The following ADAMTS9 variants were observed in gnomAD, a reference collection of about 807,000 sequenced individuals.
ADAMTS9 encodes the protein ADAM metallopeptidase with thrombospondin type 1 motif 9, also known as A disintegrin and metalloproteinase with thrombospondin motifs 9.
A neutral mutation model predicts 257.1 loss-of-function variants in ADAMTS9; 107 were observed. The ratio of observed to expected loss-of-function variants is 0.42; its 90% CI spans 0.36 to 0.49. The LOEUF is 0.49. Ranked by LOEUF, ADAMTS9 falls within the 20% of genes least tolerant of loss-of-function variation. The probability of loss-of-function intolerance (pLI) is 0.03; values close to 1 mark genes in which losing one functional copy is unlikely to be tolerated. For missense variants in ADAMTS9, 2,353 were observed against 2,469.1 expected (o/e 0.95, Z 1.00); for synonymous variants, 982 against 880.9 (o/e 1.11, Z -2.03).
chr3:64,545,838 C>T lies in ADAMTS9; in HGVS notation c.5064+920G>A, dbSNP rs541691099. 2.1e-3 allele frequency among the ~76,000 whole-genome samples: 321 copies of T among 152,168 alleles called. 3 individuals carry two copies. The highest frequency in any genetic ancestry group is 7.4e-3 in the African/African-American group (307 of 41,524). On this transcript the variant is annotated intron_variant, in intron 32 of 39. Transcript: ENST00000498707. ...GTCTCGATCTGCTGACCTCATGGTCCGCCGACCATGGCCTCTCAAAGTGCT... is the reference window on the plus strand; with the variant it reads ...GTCTCGATCTGCTGACCTCATGGTCTGCCGACCATGGCCTCTCAAAGTGCT...
intron 29 of ADAMTS9, chr3:64,563,249 G>A (rs1360597628): frequency 6.6e-6 from 1 of 152,138 alleles, no homozygotes; most frequent in Admixed American, 6.5e-5. Flanking sequence ...AGAATGTACT[G>A]TAACATGATA....
intron 28 of ADAMTS9, chr3:64,587,592 T>C (rs542966341): frequency 6.6e-6 from 1 of 152,250 alleles, no homozygotes; most frequent in Non-Finnish European, 1.5e-5. Flanking sequence ...AGAAAGCTAC[T>C]AGATTTTTTT....
intron 39 of ADAMTS9, among the ~76,000 whole-genome samples, chr3:64,521,908 T>C (rs1317794533): frequency 1.2e-4 from 18 of 152,196 alleles, no homozygotes; most frequent in Non-Finnish European, 5.9e-5. Context: ...CTTGCACATG[T>C]ACCTCCTGAA....
chr3:64,572,724 T>G (rs979390076), intron 28 of ADAMTS9, among the ~76,000 whole-genome samples: 1 of 151,818 alleles, frequency 6.6e-6, no homozygotes, highest in South Asian at 2.1e-4. Flanking sequence ...AGGTCAGAGA[T>G]GTACACAGGA....
In ADAMTS9 at chr3:64,601,983, C is replaced by T. The variant is rs750351107; in HGVS notation, c.3978G>A (p.Val1326=). 2.2e-5 allele frequency: 35 copies of T among 1,613,298 alleles called. No homozygotes were observed. The East Asian group carries it at 7.8e-4, about 36-fold the overall frequency. Residue 1326 remains valine, a synonymous_variant, in exon 26 of 40, where the codon GTG becomes GTA. Transcript: ENST00000498707. ...PRSASPSRTH[V]LGGNQWRTGP... ...CAGTTCTCCACTGGTTTCCACCGAG[C>T]ACATGGGTGCGGCTGGGGCTGGCGC...
At chr3:64,663,770 G>T (rs1701281434) in intron 3 of ADAMTS9, among the ~76,000 whole-genome samples, 1 of 152,106 alleles carries the variant, frequency 6.6e-6, no homozygotes, top group African/African-American at 2.4e-5. Flanking sequence ...ATTTCTTCAG[G>T]ATCAAAAGCA....
intron 23 of ADAMTS9, among the ~76,000 whole-genome samples, chr3:64,606,303 T>C (rs2084555017): frequency 6.6e-6 from 1 of 152,204 alleles, no homozygotes; most frequent in Non-Finnish European, 1.5e-5. Context: ...AAGCCCTGAA[T>C]TGTAGCCCTT....
chr3:64,583,548 A>G (rs2084058433), intron 28 of ADAMTS9: 1 of 152,126 alleles, frequency 6.6e-6, no homozygotes, highest in African/African-American at 2.4e-5. Context: ...TGTGCTGTGC[A>G]TTGTAGACTA....
chr3:64,649,065 G>T (rs61126815), intron 10 of ADAMTS9, among the ~76,000 whole-genome samples: 243 of 152,102 alleles, frequency 1.6e-3, no homozygotes, highest in Middle Eastern at 3.4e-3. Flanking sequence ...ATCTGTAACC[G>T]GATAACTGCT....
rs2083263861 is a variant in ADAMTS9, at chr3:64,550,992, A to G, written c.4769T>C (p.Val1590Ala). The G allele has an allele frequency of 6.2e-7, 1 of 1,613,978 alleles. No individual in the cohort carries two copies. Among genetic ancestry groups the G allele is most frequent in the Non-Finnish European group, 8.5e-7 (1 of 1,180,022 alleles). The change falls in exon 31 of 40, where the codon GTG becomes GCG. Residue 1590 changes from valine (V) to alanine (A), a missense_variant. By Grantham distance (64) the Val-to-Ala change is moderately conservative. Around this residue, in one of 3 missense-constraint regions of ADAMTS9, gnomAD observed 1,402 missense variants for 1,441.4 expected, o/e 0.97. Transcript: ENST00000498707. ...GCTCACGTCACAGCGTGCCCCATGCACCTCGTTTTTGTTGTCATCCACACA... is the reference window on the plus strand; with the variant it reads ...GCTCACGTCACAGCGTGCCCCATGCGCCTCGTTTTTGTTGTCATCCACACA... Reference protein sequence around the residue: ...VVCVDDNKNEVHGARCDVSKR... With the variant: ...VVCVDDNKNEAHGARCDVSKR...
In ADAMTS9 at chr3:64,541,100, A is replaced by ATC; in HGVS notation, c.5514_5515dup (p.Ile1839ArgfsTer2). The ATC allele has an allele frequency of 6.2e-7, 1 of 1,613,974 alleles. No individual in the cohort carries two copies. Among genetic ancestry groups the ATC allele is most frequent in the Non-Finnish European group, 8.5e-7 (1 of 1,179,872 alleles). ...AGGACTCCTCACTAACTTACTGATT[A>ATC]TCTGCATGCTGGTCAGGTCTATTCT... On this transcript the variant is annotated frameshift_variant, in exon 36 of 40. Transcript: ENST00000498707. LOFTEE classifies it high-confidence loss of function.
At chr3:64,606,919 G>C in intron 23 of ADAMTS9, 41 bp downstream of exon 23, 2 of 1,609,982 alleles carry the variant, frequency 1.2e-6, no homozygotes, top group Non-Finnish European at 1.7e-6. Context: ...TGGTACCTTG[G>C]TCCCCAAAGT....
intron 31 of ADAMTS9, among the ~76,000 whole-genome samples, chr3:64,548,651 T>C (rs1490407318): frequency 1.3e-5 from 2 of 151,944 alleles, no homozygotes; most frequent in East Asian, 1.9e-4. Context: ...GCCCCAAATA[T>C]GGTCAGGCTA....
chr3:64,609,190 C>A (rs1576113245), intron 22 of ADAMTS9, among the ~76,000 whole-genome samples: 1 of 152,028 alleles, frequency 6.6e-6, no homozygotes, highest in Non-Finnish European at 1.5e-5. Context: ...AGAGTAAAAA[C>A]TTTTCCCCAC....
rs370525757 is a variant in ADAMTS9 at position 64,667,673 on chromosome 3, T to C, written c.680-8882A>G. On this transcript the variant is annotated intron_variant, in intron 3 of 39. Transcript: ENST00000498707. Reference sequence around the variant, plus strand: ...CCCCAAAAGCCCTTCTGTGTCCTTTTCATTCTCCATTCTGTAGCTCCTTCA... The same window carrying C: ...CCCCAAAAGCCCTTCTGTGTCCTTTCCATTCTCCATTCTGTAGCTCCTTCA... 2.2e-4 allele frequency among the ~76,000 whole-genome samples: 34 copies of C among 152,308 alleles called. 1 individual carries two copies. The East Asian group carries it at 2.7e-3, about 12-fold the overall frequency.
At chr3:64,622,357 C>T (rs1203624378) in intron 17 of ADAMTS9, 30 bp from the exon 18 acceptor site, 1 of 1,612,812 alleles carries the variant, frequency 6.2e-7, no homozygotes, top group Non-Finnish European at 8.5e-7. Context: ...CAGAAACGAA[C>T]TGGGTGGGCT....
rs1386113888 is a variant in ADAMTS9, at chr3:64,687,254, T to C, written c.116-286A>G. Among the ~76,000 whole-genome samples the C allele has an allele frequency of 6.6e-6, 1 of 152,200 alleles. No individual in the cohort carries two copies. The highest frequency in any genetic ancestry group is 2.4e-5 in the African/African-American group (1 of 41,462). On this transcript the variant is annotated intron_variant, in intron 1 of 39. Transcript: ENST00000498707. The surrounding 1 kb of genome is among the most constrained non-coding windows in gnomAD (Gnocchi z 4.4). ...ACCTGAATAAAATAAAACATGACGC[T>C]ATCTGGTGCCCCCAATTACTAAGTT...
At chr3:64,677,873 C>G (rs1025557316) in intron 3 of ADAMTS9, among the ~76,000 whole-genome samples, 2 of 152,182 alleles carry the variant, frequency 1.3e-5, no homozygotes, top group African/African-American at 2.4e-5. Context: ...TAAATGCACG[C>G]ATGAATGAAG....
Position 64,602,019 on chromosome 3 carries a change from A to G in ADAMTS9, c.3942T>C (p.Tyr1314=). Residue 1314 remains tyrosine, a synonymous_variant, in exon 26 of 40, where the codon TAT becomes TAC. Coordinates refer to ENST00000498707, the MANE Select transcript of ADAMTS9 (RefSeq NM_182920.2). ...LAQHPFQNED[Y]RPRSASPSRT... ...GGCTGGGGCTGGCGCTCCGGGGACG[A>G]TAGTCCTCATTTTGGAAGGGGTGCT... 12 of 1,613,960 alleles carry G rather than the reference A, an allele frequency of 7.4e-6. No homozygotes were observed. Among genetic ancestry groups the G allele is most frequent in the Non-Finnish European group, 1.0e-5 (12 of 1,179,964 alleles).
Sources: gnomAD v4.1 joint callset for allele counts (sites outside exome capture counted in the v4.1 genomes callset) on GRCh38, gnomAD v4.1.1 for gene constraint, gnomAD v4.1.1 regional missense constraint, Gnocchi (gnomAD v3.1) non-coding constraint, MANE v1.5 for transcripts, NCBI Gene and HGNC (gene_info 2026-07-23, HGNC 2026-07-21) for gene names.